Variants in ALK observed in about 807,000 individuals in gnomAD.
The protein encoded by ALK is ALK receptor tyrosine kinase.
A neutral mutation model predicts 163.1 loss-of-function variants in ALK; 74 were observed. The observed-to-expected ratio is 0.45, with a 90% CI of 0.38 to 0.55. The LOEUF (loss-of-function observed/expected upper bound fraction) is 0.55. Among genes scored for constraint, ALK ranks in the 20% least tolerant of loss-of-function variants. ALK has a pLI of 0.00. For synonymous variants in ALK, 960 were observed against 843.2 expected (o/e 1.14, Z -2.40); for missense variants, 2,063 against 2,105.3 (o/e 0.98, Z 0.39).
At chr2:29,314,008 C>T (rs1017929301) in intron 8 of ALK, among the ~76,000 whole-genome samples, 1 of 152,110 alleles carries the variant, frequency 6.6e-6, no homozygotes, top group African/African-American at 2.4e-5. Flanking sequence ...CTGCCGAGGT[C>T]GGGGGCAAGC....
chr2:29,472,023 G>A (rs1417710631), intron 4 of ALK, among the ~76,000 whole-genome samples: 8 of 152,164 alleles, frequency 5.3e-5, no homozygotes, highest in African/African-American at 1.4e-4. Context: ...GATTACAGGC[G>A]TGAGCCACTG....
chr2:29,816,050 G>A (rs1046577554), intron 1 of ALK, among the ~76,000 whole-genome samples: 9 of 152,186 alleles, frequency 5.9e-5, no homozygotes, highest in East Asian at 1.9e-4. Flanking sequence ...GGTTGGAGGC[G>A]CTGGTAGAAA....
intron 11 of ALK, among the ~76,000 whole-genome samples, chr2:29,257,585 G>A (rs988617161): frequency 6.6e-6 from 1 of 152,168 alleles, no homozygotes; most frequent in African/African-American, 2.4e-5. Context: ...GAAAGTTCTC[G>A]ATCGTCACTA....
At chr2:29,356,944 A>T (rs1668263812) in intron 5 of ALK, among the ~76,000 whole-genome samples, 1 of 152,112 alleles carries the variant, frequency 6.6e-6, no homozygotes, top group South Asian at 2.1e-4. Flanking sequence ...ACTGCTCCAC[A>T]TCTTCAGAGA....
At chr2:29,323,041 G>A (rs1017471269) in intron 6 of ALK, among the ~76,000 whole-genome samples, 9 of 152,160 alleles carry the variant, frequency 5.9e-5, no homozygotes, top group Admixed American at 1.3e-4. Flanking sequence ...ACTGGAATCC[G>A]GACATATGGG....
intron 26 of ALK, among the ~76,000 whole-genome samples, chr2:29,198,958 TTTC>T (rs1444561599): frequency 1.6e-5 from 2 of 126,368 alleles, no homozygotes; most frequent in Admixed American, 8.7e-5. Flanking sequence ...TATTAGTTGT[TTTC>T]TTTTTTTTTT....
chr2:29,501,145 G>T (rs1672164665), intron 4 of ALK, among the ~76,000 whole-genome samples: 1 of 152,110 alleles, frequency 6.6e-6, no homozygotes, highest in Admixed American at 6.5e-5. Context: ...AAGCCCTTCT[G>T]GATCCTTCTA....
intron 5 of ALK, among the ~76,000 whole-genome samples, chr2:29,333,323 C>T (rs1667506778): frequency 6.6e-6 from 1 of 152,140 alleles, no homozygotes; most frequent in Non-Finnish European, 1.5e-5. Context: ...GCCATGTTGG[C>T]CAGGCTGGTC....
chr2:29,793,981 T>C (rs1664246471), intron 1 of ALK, among the ~76,000 whole-genome samples: 1 of 152,180 alleles, frequency 6.6e-6, no homozygotes. Flanking sequence ...CCCTTGAAGT[T>C]TTTGAAGCCA....
chr2:29,439,863 C>A (rs990025725), intron 4 of ALK, among the ~76,000 whole-genome samples: 3 of 152,228 alleles, frequency 2.0e-5, no homozygotes, highest in African/African-American at 7.2e-5. Context: ...GCCTGGCTGA[C>A]ACCTTGATTT....
intron 3 of ALK, among the ~76,000 whole-genome samples, chr2:29,582,442 A>G (rs1222845724): frequency 6.6e-6 from 1 of 152,272 alleles, no homozygotes. Context: ...TTGAGAACCT[A>G]AAATTGGGGT....
intron 2 of ALK, among the ~76,000 whole-genome samples, chr2:29,713,996 C>G (rs988887588): frequency 6.6e-6 from 1 of 151,986 alleles, no homozygotes; most frequent in African/African-American, 2.4e-5. Context: ...CTCTGTGGCT[C>G]TAAAACTCAA....
intron 3 of ALK, among the ~76,000 whole-genome samples, chr2:29,682,813 T>G (rs1678116554): frequency 6.6e-6 from 1 of 152,050 alleles, no homozygotes; most frequent in Non-Finnish European, 1.5e-5. Context: ...AGCAAAATAT[T>G]TCAAATACCT....
chr2:29,228,805 G>C, intron 16 of ALK, 79 bp downstream of exon 16: 1 of 972,242 alleles, frequency 1.0e-6, no homozygotes, highest in Non-Finnish European at 1.7e-6. Flanking sequence ...GGGGAGGGCA[G>C]GGGAGGGCAG....
At chr2:29,817,270 T>G (rs967459995) in intron 1 of ALK, among the ~76,000 whole-genome samples, 4 of 152,324 alleles carry the variant, frequency 2.6e-5, no homozygotes, top group Non-Finnish European at 5.9e-5. Context: ...TCCTAGTCCT[T>G]TCTTTGATTT....
chr2:29,734,096 A>C (rs1342942384), intron 1 of ALK, among the ~76,000 whole-genome samples: 2 of 152,146 alleles, frequency 1.3e-5, no homozygotes, highest in African/African-American at 2.4e-5. Context: ...CAATGAGAGG[A>C]CTTGGAGAAC....
At chr2:29,231,055 T>C (rs1334115687) in intron 15 of ALK, among the ~76,000 whole-genome samples, 1 of 152,136 alleles carries the variant, frequency 6.6e-6, no homozygotes, top group African/African-American at 2.4e-5. Context: ...GAATTGAGTC[T>C]GGCCAGGCGT....
intron 26 of ALK, among the ~76,000 whole-genome samples, chr2:29,201,566 C>T (rs1023157567): frequency 6.6e-6 from 1 of 152,070 alleles, no homozygotes; most frequent in East Asian, 1.9e-4. Flanking sequence ...GTGGGCGGAT[C>T]ACTTGAGGTC....
intron 3 of ALK, among the ~76,000 whole-genome samples, chr2:29,551,914 T>A (rs1673724823): frequency 6.6e-6 from 1 of 152,204 alleles, no homozygotes; most frequent in Admixed American, 6.5e-5. Flanking sequence ...TTCAGTGGCA[T>A]TATGTACATT....
Sources: allele counts gnomAD v4.1 joint callset (sites outside exome capture counted in the v4.1 genomes callset), GRCh38; gene constraint gnomAD v4.1.1; transcripts MANE v1.5; gene names NCBI Gene and HGNC (gene_info 2026-07-23, HGNC 2026-07-21).